Variants in NEB observed in about 807,000 individuals in gnomAD.
NEB encodes the protein nebulin, also known as nemaline myopathy type 2.
Under a neutral mutation model 952.2 loss-of-function variants are expected in NEB, and 512 were observed. That is an observed-to-expected ratio of 0.54 (90% CI 0.50 to 0.58). NEB has a LOEUF of 0.58. Among genes scored for constraint, NEB ranks in the 20% least tolerant of loss-of-function variants. NEB has a pLI of 0.00. For missense variants in NEB, 8,428 were observed against 9,231.1 expected (o/e 0.91, Z 3.56); for synonymous variants, 2,900 against 3,149.8 (o/e 0.92, Z 2.66).
chr2:151,568,087 T>C lies in NEB; in HGVS notation c.17828A>G (p.Asn5943Ser), dbSNP rs2096490231. 5 of 1,613,358 alleles carry C rather than the reference T, an allele frequency of 3.1e-6. No individual in the cohort carries two copies. The highest frequency in any genetic ancestry group is 1.6e-4 in the Middle Eastern group (1 of 6,066). ...AVPFVHAHHCNDVQSELKYKA... is the reference protein window; with the variant it reads ...AVPFVHAHHCSDVQSELKYKA... ...ATGTATTACCTCACTCTGAACGTCA[T>C]TGCAGTGATGGGCATGAACAAATGG... The change falls in exon 113 of 182, where the codon AAT (asparagine) becomes AGT (serine). Residue 5943 changes from asparagine (N) to serine (S), a missense_variant. Physicochemically the swap from Asn to Ser is conservative, Grantham distance 46. This residue lies in a region of NEB where 3,374 missense variants were observed against 3,651.5 expected (regional missense o/e 0.92). Transcript: ENST00000397345.
At chr2:151,625,284 TTGAGA>T (rs963584600) in intron 71 of NEB, among the ~76,000 whole-genome samples, 32 of 152,314 alleles carry the variant, frequency 2.1e-4, no homozygotes, top group African/African-American at 6.5e-4. Flanking sequence ...AATAGTTGAC[TTGAGA>T]TATTTTTTCC....
intron 135 of NEB, among the ~76,000 whole-genome samples, chr2:151,544,454 C>T (rs1452068974): frequency 6.6e-6 from 1 of 152,134 alleles, no homozygotes; most frequent in African/African-American, 2.4e-5. Flanking sequence ...CACGGAGAAT[C>T]AGTCTGGTGT....
At chr2:151,630,204 CGT>C (rs746533704) in intron 67 of NEB, among the ~76,000 whole-genome samples, 4 of 152,094 alleles carry the variant, frequency 2.6e-5, no homozygotes, top group Admixed American at 6.6e-5. Flanking sequence ...TAATAAACCA[CGT>C]GTCTATAAAA....
intron 36 of NEB, 118 bp downstream of exon 36, chr2:151,674,359 G>A: frequency 1.1e-6 from 1 of 872,972 alleles, no homozygotes; most frequent in Non-Finnish European, 1.8e-6. Flanking sequence ...ACAATATTTT[G>A]AGAATTTAAA....
At chr2:151,507,216 G>C (rs1445057858) in intron 162 of NEB, 2 of 501,042 alleles carry the variant, frequency 4.0e-6, no homozygotes, top group Non-Finnish European at 7.0e-6. Flanking sequence ...TAAAGCTAGG[G>C]GTTTGTTTTT....
chr2:151,561,099 T>C lies in NEB; in HGVS notation c.19111A>G (p.Lys6371Glu). Residue 6371 changes from lysine to glutamate, a missense_variant, in exon 123 of 182, where the codon AAA (lysine) becomes GAA (glutamate). This residue lies in a region of NEB where 3,374 missense variants were observed against 3,651.5 expected (regional missense o/e 0.92). Coordinates refer to ENST00000397345, the MANE Select transcript of NEB (RefSeq NM_001164508.2). Reference sequence around the variant, plus strand: ...TCCTTAATCTGATGATAATTTTCTTTATATTTTACCTGTAGACAAGCAACA... The same window carrying C: ...TCCTTAATCTGATGATAATTTTCTTCATATTTTACCTGTAGACAAGCAACA... ...SGINASEVKY[K>E]ENYHQIKDKY... 1 of 1,587,032 alleles carries C rather than the reference T, an allele frequency of 6.3e-7. No individual in the cohort carries two copies. Among genetic ancestry groups the C allele is most frequent in the Non-Finnish European group, 8.6e-7 (1 of 1,162,024 alleles).
rs1428300892 is a variant in NEB at position 151,725,562 on chromosome 2, T to C, written c.295-2A>G. 6.2e-7 allele frequency: 1 copy of C among 1,611,018 alleles called. No individual in the cohort carries two copies. The highest frequency in any genetic ancestry group is 1.3e-5 in the African/African-American group (1 of 74,836). ...CTCAAACTTCTCCTTGTATTTATTC[T>C]GAAAAGAATATCAGATATTAGCCTA... On this transcript the variant is annotated splice_acceptor_variant, in intron 5 of 181. Coordinates refer to ENST00000397345, the MANE Select transcript of NEB (RefSeq NM_001164508.2). LOFTEE classifies it high-confidence loss of function.
intron 10 of NEB, among the ~76,000 whole-genome samples, chr2:151,716,763 G>A (rs2099760251): frequency 6.6e-6 from 1 of 152,096 alleles, no homozygotes; most frequent in African/African-American, 2.4e-5. Flanking sequence ...TCTCCACAGA[G>A]GGCAAGATAA....
In NEB at chr2:151,531,052, G is replaced by A. The variant is rs1190101717; in HGVS notation, c.21572C>T (p.Thr7191Ile). 2 of 1,613,638 alleles carry A rather than the reference G, an allele frequency of 1.2e-6. No individual in the cohort carries two copies. Among genetic ancestry groups the A allele is most frequent in the Non-Finnish European group, 1.7e-6 (2 of 1,179,682 alleles). ...CAGCAACATGGGTGTGTCGTGGATT[G>A]TGGTGTAGCCTCTGGGTTTGGCCTT... Reference protein sequence around the residue: ...YNKAKPRGYTTIHDTPMLLHV... With the variant: ...YNKAKPRGYTIIHDTPMLLHV... The change falls in exon 145 of 182, where the codon ACA becomes ATA. Residue 7191 changes from threonine (T) to isoleucine (I), a missense_variant. Physicochemically the swap from Thr to Ile is moderately conservative, Grantham distance 89. Around this residue, in one of 11 missense-constraint regions of NEB, gnomAD observed 3,374 missense variants for 3,651.5 expected, o/e 0.92. Coordinates refer to ENST00000397345, the MANE Select transcript of NEB (RefSeq NM_001164508.2).
In NEB at chr2:151,654,035, A is replaced by G; in HGVS notation, c.6872T>C (p.Ile2291Thr). The part of the protein sequence containing the change: ...KKGYDLPVDA[I>T]SVQLAKASRD... ...TGAAGCTTTAGCTAGCTGTACAGAAATTGCATCAACTGGGAGATCATAGCC... is the reference window on the plus strand; with the variant it reads ...TGAAGCTTTAGCTAGCTGTACAGAAGTTGCATCAACTGGGAGATCATAGCC... Residue 2291 changes from isoleucine to threonine, a missense_variant, in exon 52 of 182, where the codon ATT becomes ACT. Coordinates refer to ENST00000397345, the MANE Select transcript of NEB (RefSeq NM_001164508.2). The G allele has an allele frequency of 1.2e-6, 2 of 1,612,850 alleles. No homozygotes were observed. Among genetic ancestry groups the G allele is most frequent in the Non-Finnish European group, 1.7e-6 (2 of 1,179,224 alleles).
At position 151,734,427 on chromosome 2, in the gene NEB, A is replaced by G. The variant is rs527989906; in HGVS notation, c.-143T>C. 4 of 152,326 alleles carry G rather than the reference A, an allele frequency of 2.6e-5. No homozygotes were observed. The East Asian group carries it at 5.8e-4, about 22-fold the overall frequency. 9.4% of individuals were successfully genotyped at this position (152,326 alleles called of 1,614,324 possible). On this transcript the variant is annotated 5_prime_UTR_variant, in exon 1 of 182. Transcript: ENST00000397345. The stretch of plus-strand genomic sequence containing the variant: ...AATCTACCAAATAAATTTCCTCAGC[A>G]GCAAAGCCTCTCCCAACTCTCCCCT...
In NEB at chr2:151,653,968, T is replaced by C. The variant is rs761300002; in HGVS notation, c.6915+24A>G. On this transcript the variant is annotated intron_variant, in intron 52 of 181. Coordinates refer to ENST00000397345, the MANE Select transcript of NEB (RefSeq NM_001164508.2). The stretch of plus-strand genomic sequence containing the variant: ...CCTGATTCAGATAAAAATATAGCCT[T>C]ATAGAACTCAAACTAGTACTCACAT... The C allele has an allele frequency of 3.3e-6, 5 of 1,502,516 alleles. No individual in the cohort carries two copies. The South Asian group carries it at 5.7e-5, about 17-fold the overall frequency. The allele number at this position is 1,502,516 out of a possible 1,614,324, so 93.1% of individuals were successfully genotyped here.
intron 76 of NEB, among the ~76,000 whole-genome samples, chr2:151,615,543 A>C (rs953548160): frequency 2.0e-5 from 3 of 152,248 alleles, no homozygotes; most frequent in Non-Finnish European, 2.9e-5. Context: ...CAAATCTCTA[A>C]GACATATCCA....
rs2094696492 is a variant in NEB, at chr2:151,546,452, C to T, written c.20368-9G>A. 7 of 1,576,926 alleles carry T rather than the reference C, an allele frequency of 4.4e-6. No homozygotes were observed. The East Asian group carries it at 1.6e-4, about 35-fold the overall frequency. On this transcript the variant is annotated splice_polypyrimidine_tract_variant and intron_variant, in intron 133 of 181. Coordinates refer to ENST00000397345, the MANE Select transcript of NEB (RefSeq NM_001164508.2). ...TCCTCTTTGTATTTAATCTGAGAGG[C>T]AAACACAGAAATATAGCTGGTCATA...
chr2:151,574,522 T>G (rs1290183773), intron 107 of NEB, among the ~76,000 whole-genome samples: 1 of 152,176 alleles, frequency 6.6e-6, no homozygotes, highest in Non-Finnish European at 1.5e-5. Context: ...GAATGGGTAT[T>G]GGATTTTGTC....
In NEB at chr2:151,563,645, A is replaced by C. The variant is rs1464388528; in HGVS notation, c.18654T>G (p.Gly6218=). 6.2e-7 allele frequency: 1 copy of C among 1,613,878 alleles called. No homozygotes were observed. Among genetic ancestry groups the C allele is most frequent in the African/African-American group, 1.3e-5 (1 of 75,030 alleles). Residue 6218 remains glycine, a synonymous_variant, in exon 119 of 182, where the codon GGT becomes GGG. Coordinates refer to ENST00000397345, the MANE Select transcript of NEB (RefSeq NM_001164508.2). ...LAGKVIGEFP[G]VVHCLDFQKM... ...TTTGGAAATCCAGACAGTGAACCAC[A>C]CCAGGGAATTCACCGATCACTTTTC... is the stretch of plus-strand genomic sequence containing the variant.
intron 114 of NEB, among the ~76,000 whole-genome samples, chr2:151,566,747 A>G (rs1228304517): frequency 6.6e-6 from 1 of 152,162 alleles, no homozygotes; most frequent in Non-Finnish European, 1.5e-5. Context: ...TGCCGTGAGG[A>G]ATGAGATGCT....
At chr2:151,500,903 A>G (rs137932054) in intron 168 of NEB, among the ~76,000 whole-genome samples, 1 of 152,004 alleles carries the variant, frequency 6.6e-6, no homozygotes, top group Non-Finnish European at 1.5e-5. Flanking sequence ...CTGGCCCCAA[A>G]TAAGATTTCT....
intron 138 of NEB, among the ~76,000 whole-genome samples, chr2:151,540,035 C>G (rs1027164264): frequency 2.0e-5 from 3 of 152,132 alleles, no homozygotes; most frequent in African/African-American, 7.2e-5. Context: ...TGGCTGACTG[C>G]AAGACCATAA....
Sources: gnomAD v4.1 joint callset for allele counts (sites outside exome capture counted in the v4.1 genomes callset) on GRCh38, gnomAD v4.1.1 for gene constraint, gnomAD v4.1.1 regional missense constraint, MANE v1.5 for transcripts, NCBI Gene and HGNC (gene_info 2026-07-23, HGNC 2026-07-21) for gene names.